Variants in CHML observed in about 807,000 individuals in gnomAD.
CHML encodes the protein CHM like Rab escort protein, also known as rab proteins geranylgeranyltransferase component A 2.
CHML carries 20 observed loss-of-function variants against 30.4 expected under a neutral mutation model. That is an observed-to-expected ratio of 0.66 (90% CI 0.46 to 0.95). The LOEUF is 0.95. Among genes scored for constraint, CHML ranks in the 40% least tolerant of loss-of-function variants. The pLI, the probability that CHML is intolerant of heterozygous loss-of-function variation, is 0.00. For missense variants in CHML, 795 were observed against 768.5 expected, an observed-to-expected ratio of 1.03 and a Z score of -0.41; for synonymous variants, 281 against 275.0, an observed-to-expected ratio of 1.02 and a Z score of -0.22.
At position 241,632,016 on chromosome 1, in the gene CHML, T is replaced by A. The variant is rs1664654308; in HGVS notation, c.*1780A>T. The A allele has an allele frequency of 6.6e-6, 1 of 152,170 alleles. No individual in the cohort carries two copies. The highest frequency in any genetic ancestry group is 1.5e-5 in the Non-Finnish European group (1 of 68,014). 9.4% of individuals were successfully genotyped at this position (152,170 alleles called of 1,614,324 possible). On this transcript the variant is annotated 3_prime_UTR_variant, in exon 2 of 2. Transcript: ENST00000366553. ...TATTTCTTCTTTGAAGGTGATATGG[T>A]TTGGCTGTGTTCCCACTCAAATCTC...
intron 1 of CHML, among the ~76,000 whole-genome samples, chr1:241,636,290 G>A (rs1377115698): frequency 6.6e-6 from 1 of 152,134 alleles, no homozygotes; most frequent in Non-Finnish European, 1.5e-5. Context: ...CATAGTAATA[G>A]AGAATGAACA....
In CHML at chr1:241,629,452, A is replaced by G. The variant is rs894210717; in HGVS notation, c.*4344T>C. 2.6e-5 allele frequency: 4 copies of G among 152,110 alleles called. No individual in the cohort carries two copies. Among genetic ancestry groups the G allele is most frequent in the East Asian group, 1.9e-4 (1 of 5,192 alleles). 9.4% of individuals were successfully genotyped at this position (152,110 alleles called of 1,614,324 possible). A position where few individuals can be genotyped will look rare whatever the true frequency, so the allele number is the denominator to read the frequency against. Reference sequence around the variant, plus strand: ...TGAATACCATTCAAATTGATTTTTTATATCATTTATACACGATCGCTTTAT... The same window carrying G: ...TGAATACCATTCAAATTGATTTTTTGTATCATTTATACACGATCGCTTTAT... On this transcript the variant is annotated 3_prime_UTR_variant, in exon 2 of 2. Coordinates refer to ENST00000366553, the MANE Select transcript of CHML (RefSeq NM_001381853.1).
rs747541821 is a variant in CHML, at chr1:241,628,973, A to C, written c.*4823T>G. ...TACATGTTATCTTCTGATTCTTTTCAATGTAGACCTAAATTTTCACATGTA... is the reference window on the plus strand; with the variant it reads ...TACATGTTATCTTCTGATTCTTTTCCATGTAGACCTAAATTTTCACATGTA... On this transcript the variant is annotated 3_prime_UTR_variant, in exon 2 of 2. Transcript: ENST00000366553. 6.5e-6 allele frequency: 1 copy of C among 152,710 alleles called. No homozygotes were observed. The highest frequency in any genetic ancestry group is 6.5e-5 in the Admixed American group (1 of 15,294). The allele number at this position is 152,710 out of a possible 1,614,324, so 9.5% of individuals were successfully genotyped here. A position where few individuals can be genotyped will look rare whatever the true frequency, so the allele number is the denominator to read the frequency against.
Position 241,632,631 on chromosome 1 carries a change from CA to C in CHML, c.*1164del, listed in dbSNP as rs1664689497. On this transcript the variant is annotated 3_prime_UTR_variant, in exon 2 of 2. Coordinates refer to ENST00000366553, the MANE Select transcript of CHML (RefSeq NM_001381853.1). Reference sequence around the variant, plus strand: ...AAAAAAGTTTCTATACTCTGGATAACAGCTAAGAGGCAAGAGAGATTACAGA... The same window carrying C: ...AAAAAAGTTTCTATACTCTGGATAACGCTAAGAGGCAAGAGAGATTACAGA... 1 of 152,098 alleles carries C rather than the reference CA, an allele frequency of 6.6e-6. No homozygotes were observed. 9.4% of individuals were successfully genotyped at this position (152,098 alleles called of 1,614,324 possible).
In CHML at chr1:241,633,941, G is replaced by A. The variant is rs920004999; in HGVS notation, c.1826C>T (p.Pro609Leu). ...EIFPTEEFCP[P>L]PPNPEDIIFD... ...GATAATGTCTTCTGGATTTGGAGGT[G>A]GAGGGCAGAATTCTTCAGTTGGAAA... The change falls in exon 2 of 2, where the codon CCA becomes CTA. Residue 609 changes from proline (P) to leucine (L), a missense_variant. By Grantham distance (98) the Pro-to-Leu change is moderately conservative. Coordinates refer to ENST00000366553, the MANE Select transcript of CHML (RefSeq NM_001381853.1). 4.3e-6 allele frequency: 7 copies of A among 1,613,894 alleles called. No individual in the cohort carries two copies. Among genetic ancestry groups the A allele is most frequent in the Non-Finnish European group, 5.9e-6 (7 of 1,179,850 alleles).
In CHML at chr1:241,633,990, C is replaced by T; in HGVS notation, c.1777G>A (p.Ala593Thr). 1 of 1,613,964 alleles carries T rather than the reference C, an allele frequency of 6.2e-7. No individual in the cohort carries two copies. Among genetic ancestry groups the T allele is most frequent in the African/African-American group, 1.3e-5 (1 of 75,024 alleles). The change falls in exon 2 of 2, where the codon GCT becomes ACT. Residue 593 changes from alanine to threonine, a missense_variant. Transcript: ENST00000366553. ...AAGATCTCCTGGAAAAGTGTTTCAG[C>T]TTGCTTGACAGCATGCTCATTTCCC... ...GLGNEHAVKQ[A>T]ETLFQEIFPT... is the part of the protein sequence containing the mutation.
chr1:241,635,466 C>T lies in CHML; in HGVS notation c.301G>A (p.Ala101Thr). The T allele has an allele frequency of 6.2e-7, 1 of 1,613,806 alleles. No homozygotes were observed. The highest frequency in any genetic ancestry group is 1.3e-5 in the African/African-American group (1 of 75,026). ...ATATCCTGACTGGCGTAGCAAAAAGCTTCTGTGTGTTGAATAGTTTCATCC... is the reference window on the plus strand; with the variant it reads ...ATATCCTGACTGGCGTAGCAAAAAGTTTCTGTGTGTTGAATAGTTTCATCC... The part of the protein sequence containing the change: ...KKDETIQHTE[A>T]FCYASQDMED... Residue 101 changes from alanine (A) to threonine (T), a missense_variant, in exon 2 of 2, where the codon GCT (alanine) becomes ACT (threonine). Ala to Thr is a moderately conservative substitution (Grantham distance 58). Coordinates refer to ENST00000366553, the MANE Select transcript of CHML (RefSeq NM_001381853.1).
At chr1:241,637,263 C>T (rs1420760350) in intron 1 of CHML, among the ~76,000 whole-genome samples, 1 of 152,170 alleles carries the variant, frequency 6.6e-6, no homozygotes, top group Non-Finnish European at 1.5e-5. Context: ...AAAAACAAGC[C>T]ATTCAATTGG....
At position 241,633,805 on chromosome 1, in the gene CHML, A is replaced by C; in HGVS notation, c.1962T>G (p.Leu654=). ...TCGAGATTGCTCTTTTCTAATTTTG[A>C]AGGTGCTTCTCTGGGCTTTCTAGGT... ...SKNLESPEKH[L]QN The change falls in exon 2 of 2, where the codon CTT becomes CTG. Residue 654 remains leucine (L), a synonymous_variant. Coordinates refer to ENST00000366553, the MANE Select transcript of CHML (RefSeq NM_001381853.1). 6.2e-7 allele frequency: 1 copy of C among 1,613,450 alleles called. No homozygotes were observed. The highest frequency in any genetic ancestry group is 8.5e-7 in the Non-Finnish European group (1 of 1,179,634).
In CHML at chr1:241,635,412, G is replaced by C. The variant is rs1339076779; in HGVS notation, c.355C>G (p.Leu119Val). The change falls in exon 2 of 2, where the codon CTG (leucine) becomes GTG (valine). Residue 119 changes from leucine (L) to valine (V), a missense_variant. Coordinates refer to ENST00000366553, the MANE Select transcript of CHML (RefSeq NM_001381853.1). ...ACCCCCAAAGAAGGATTTTTCTGCAGAGCACCAATCTCTTCAACGTTGTCC... is the reference window on the plus strand; with the variant it reads ...ACCCCCAAAGAAGGATTTTTCTGCACAGCACCAATCTCTTCAACGTTGTCC... Reference protein sequence around the residue: ...MEDNVEEIGALQKNPSLGVSN... With the variant: ...MEDNVEEIGAVQKNPSLGVSN... 5.0e-6 allele frequency: 8 copies of C among 1,613,876 alleles called. No individual in the cohort carries two copies. The highest frequency in any genetic ancestry group is 1.3e-5 in the African/African-American group (1 of 74,910).
rs1169960252 is a variant in CHML at position 241,630,802 on chromosome 1, A to C, written c.*2994T>G. On this transcript the variant is annotated 3_prime_UTR_variant, in exon 2 of 2. Coordinates refer to ENST00000366553, the MANE Select transcript of CHML (RefSeq NM_001381853.1). Reference sequence around the variant, plus strand: ...CAAGGGTGAATGATGAATTTTTGAAAAGTTATCTGTAATTAATACTTTGGA... The same window carrying C: ...CAAGGGTGAATGATGAATTTTTGAACAGTTATCTGTAATTAATACTTTGGA... 1 of 152,004 alleles carries C rather than the reference A, an allele frequency of 6.6e-6. No individual in the cohort carries two copies. The highest frequency in any genetic ancestry group is 2.4e-5 in the African/African-American group (1 of 41,414). The allele number at this position is 152,004 out of a possible 1,614,324, so 9.4% of individuals were successfully genotyped here.
chr1:241,638,913 G>A (rs1478015042), intron 1 of CHML, among the ~76,000 whole-genome samples: 2 of 152,054 alleles, frequency 1.3e-5, no homozygotes, highest in East Asian at 1.9e-4. Flanking sequence ...TGGATTTCAG[G>A]ATTTAAAAAA....
At chr1:241,639,794 G>A in intron 1 of CHML, 88 bp downstream of exon 1, 3 of 1,269,342 alleles carry the variant, frequency 2.4e-6, no homozygotes, top group South Asian at 1.6e-5. Flanking sequence ...GGTGCGGGGC[G>A]GGCTGGGGGG....
rs1268784680 is a variant in CHML at position 241,630,685 on chromosome 1, GT to G, written c.*3110del. 2.0e-5 allele frequency: 3 copies of G among 151,954 alleles called. No homozygotes were observed. Among genetic ancestry groups the G allele is most frequent in the Non-Finnish European group, 4.4e-5 (3 of 67,918 alleles). The allele number at this position is 151,954 out of a possible 1,614,324, so 9.4% of individuals were successfully genotyped here. A position where few individuals can be genotyped will look rare whatever the true frequency, so the allele number is the denominator to read the frequency against. ...TACTTTCCACTTGAGAAATGTTTAT[GT>G]TTTCCCAGTAGGAATAATGGTAGTT... On this transcript the variant is annotated 3_prime_UTR_variant, in exon 2 of 2. Transcript: ENST00000366553.
chr1:241,640,312 GC>G lies in CHML; in HGVS notation c.-739del. Reference sequence around the variant, plus strand: ...CGCTCAGCTTGCGGCGGGGCTCGCGGCGCGCTCCGCACTGGGTGGGGTTGGG... The same window carrying G: ...CGCTCAGCTTGCGGCGGGGCTCGCGGGCGCTCCGCACTGGGTGGGGTTGGG... On this transcript the variant is annotated 5_prime_UTR_variant, in exon 1 of 2. It removes the in-frame stop codon of an upstream open reading frame in the 5' UTR. Coordinates refer to ENST00000366553, the MANE Select transcript of CHML (RefSeq NM_001381853.1). 9.1e-7 allele frequency: 1 copy of G among 1,099,796 alleles called. No homozygotes were observed. The highest frequency in any genetic ancestry group is 1.1e-6 in the Non-Finnish European group (1 of 907,374). 68.1% of individuals were successfully genotyped at this position (1,099,796 alleles called of 1,614,324 possible).
Position 241,633,967 on chromosome 1 carries a change from G to T in CHML, c.1800C>A (p.Ile600=), listed in dbSNP as rs1664757363. The change falls in exon 2 of 2, where the codon ATC becomes ATA. Residue 600 remains isoleucine, a synonymous_variant. Transcript: ENST00000366553. The part of the protein sequence containing the change: ...VKQAETLFQE[I]FPTEEFCPPP... ...GAGGGCAGAATTCTTCAGTTGGAAA[G>T]ATCTCCTGGAAAAGTGTTTCAGCTT... The T allele has an allele frequency of 3.7e-6, 6 of 1,613,808 alleles. No homozygotes were observed. Among genetic ancestry groups the T allele is most frequent in the African/African-American group, 2.7e-5 (2 of 74,908 alleles).
At position 241,633,872 on chromosome 1, in the gene CHML, T is replaced by A. The variant is rs1664751797; in HGVS notation, c.1895A>T (p.Asn632Ile). The A allele has an allele frequency of 2.5e-6, 4 of 1,613,762 alleles. No individual in the cohort carries two copies. The highest frequency in any genetic ancestry group is 3.4e-6 in the Non-Finnish European group (4 of 1,179,784). ...GGATTCTAGTTTGGCCATTACTACATTATTGGTTCCAGGAGCCTCTGGCTG... is the reference window on the plus strand; with the variant it reads ...GGATTCTAGTTTGGCCATTACTACAATATTGGTTCCAGGAGCCTCTGGCTG... ...DKQPEAPGTN[N>I]VVMAKLESSE... The change falls in exon 2 of 2, where the codon AAT becomes ATT. Residue 632 changes from asparagine to isoleucine, a missense_variant. Transcript: ENST00000366553.
chr1:241,639,818 C>T, intron 1 of CHML, 64 bp downstream of exon 1: 2 of 1,311,580 alleles, frequency 1.5e-6, no homozygotes, highest in Non-Finnish European at 1.9e-6. Context: ...ACGCACGGAG[C>T]GGGCAGCGGG....
chr1:241,638,534 T>G (rs950757293), intron 1 of CHML, among the ~76,000 whole-genome samples: 2 of 152,234 alleles, frequency 1.3e-5, no homozygotes, highest in Non-Finnish European at 2.9e-5. Flanking sequence ...TTGAATAACC[T>G]TCTTAGCATT....
Sources: gnomAD v4.1 joint callset for allele counts (sites outside exome capture counted in the v4.1 genomes callset) on GRCh38, gnomAD v4.1.1 for gene constraint, MANE v1.5 for transcripts, NCBI Gene and HGNC (gene_info 2026-07-23, HGNC 2026-07-21) for gene names.